MSRA: variants seen among roughly 807,000 people sequenced by gnomAD.
MSRA encodes the protein methionine sulfoxide reductase A, also known as mitochondrial peptide methionine sulfoxide reductase.
Under a neutral mutation model 31.3 loss-of-function variants are expected in MSRA, and 54 were observed. The ratio of observed to expected loss-of-function variants is 1.73; its 90% CI spans 1.39 to 2.17. The LOEUF is 2.17. Ranked by LOEUF, MSRA falls within the 30% of genes most tolerant of loss-of-function variation. MSRA has a pLI of 0.00. For synonymous variants in MSRA, 169 were observed against 116.5 expected (o/e 1.45, Z -2.90); for missense variants, 507 against 300.9 (o/e 1.69, Z -5.07).
intron 1 of MSRA, among the ~76,000 whole-genome samples, chr8:10,055,917 C>T (rs183576155): frequency 5.7e-4 from 86 of 152,196 alleles, no homozygotes; most frequent in Admixed American, 9.8e-4. Context: ...ATCATTTCAC[C>T]TGCTACTCAG....
chr8:10,375,787 G>C (rs1805725047), intron 5 of MSRA, among the ~76,000 whole-genome samples: 1 of 152,200 alleles, frequency 6.6e-6, no homozygotes, highest in African/African-American at 2.4e-5. Flanking sequence ...TTACACAAAT[G>C]CCTGGTCATG....
At chr8:10,299,603 AT>A (rs1189224955) in intron 3 of MSRA, among the ~76,000 whole-genome samples, 2 of 152,290 alleles carry the variant, frequency 1.3e-5, no homozygotes, top group East Asian at 3.9e-4. Flanking sequence ...GGACATGCCA[AT>A]TAGAGCAAAG....
intron 1 of MSRA, among the ~76,000 whole-genome samples, chr8:10,069,010 A>G (rs1284884289): frequency 6.6e-6 from 1 of 152,116 alleles, no homozygotes; most frequent in Non-Finnish European, 1.5e-5. Context: ...ATTAATACCA[A>G]AATATTTCGT....
intron 3 of MSRA, among the ~76,000 whole-genome samples, chr8:10,254,488 A>G (rs1464281245): frequency 6.6e-6 from 1 of 152,198 alleles, no homozygotes; most frequent in Non-Finnish European, 1.5e-5. Context: ...TTGAAAACAT[A>G]ATGTTCTCAA....
intron 1 of MSRA, among the ~76,000 whole-genome samples, chr8:10,194,501 G>A (rs1381494293): frequency 1.3e-5 from 2 of 152,202 alleles, no homozygotes; most frequent in Admixed American, 6.5e-5. Context: ...GGGAGGCAGA[G>A]GTTGCGGTGA....
chr8:10,297,299 T>G (rs1800598772), intron 3 of MSRA, among the ~76,000 whole-genome samples: 1 of 152,162 alleles, frequency 6.6e-6, no homozygotes, highest in Admixed American at 6.5e-5. Context: ...TGGAGGGAGA[T>G]GCTTAGAGAG....
intron 5 of MSRA, among the ~76,000 whole-genome samples, chr8:10,363,249 C>A (rs1804957537): frequency 6.6e-6 from 1 of 152,186 alleles, no homozygotes; most frequent in African/African-American, 2.4e-5. Flanking sequence ...GGCCTTTGAA[C>A]CAAGTTCTTT....
intron 1 of MSRA, among the ~76,000 whole-genome samples, chr8:10,079,740 G>A (rs1798187176): frequency 6.6e-6 from 1 of 152,136 alleles, no homozygotes; most frequent in Non-Finnish European, 1.5e-5. Flanking sequence ...AAGCCACAAA[G>A]TGTTTCCCTG....
At chr8:10,130,332 T>C (rs1801807407) in intron 1 of MSRA, among the ~76,000 whole-genome samples, 1 of 152,210 alleles carries the variant, frequency 6.6e-6, no homozygotes, top group Non-Finnish European at 1.5e-5. Flanking sequence ...AACTTCCCTG[T>C]GCCCCGACTA....
intron 5 of MSRA, among the ~76,000 whole-genome samples, chr8:10,357,513 C>T (rs914618338): frequency 6.6e-6 from 1 of 152,110 alleles, no homozygotes; most frequent in Admixed American, 6.5e-5. Flanking sequence ...CTCTTATTTT[C>T]CTATCTTTGA....
intron 2 of MSRA, among the ~76,000 whole-genome samples, chr8:10,219,163 A>C (rs190781629): frequency 1.3e-5 from 2 of 152,322 alleles, no homozygotes; most frequent in Middle Eastern, 3.4e-3. Flanking sequence ...CAGTCAAGAA[A>C]TTACAAAGCC....
Position 10,245,203 on chromosome 8 carries a change from C to G in MSRA, c.311C>G (p.Thr104Ser). Residue 104 changes from threonine (T) to serine (S), a missense_variant, in exon 3 of 6, where the codon ACT (threonine) becomes AGT (serine). Coordinates refer to ENST00000317173, the MANE Select transcript of MSRA (RefSeq NM_012331.5). ...GCAGGAGGCTATACTTCAAATCCTA[C>G]TTATAAAGAAGTCTGCTCAGGTAGG... ...GFAGGYTSNP[T>S]YKEVCSEKTG... 6 of 1,613,082 alleles carry G rather than the reference C, an allele frequency of 3.7e-6. No homozygotes were observed. The highest frequency in any genetic ancestry group is 1.1e-5 in the South Asian group (1 of 90,900).
chr8:10,407,219 A>T (rs1807874819), intron 5 of MSRA, among the ~76,000 whole-genome samples: 1 of 152,202 alleles, frequency 6.6e-6, no homozygotes, highest in Admixed American at 6.5e-5. Flanking sequence ...AAATGTGATG[A>T]ACAAGAACTG....
intron 5 of MSRA, among the ~76,000 whole-genome samples, chr8:10,377,420 C>T (rs1291309979): frequency 1.3e-5 from 2 of 152,218 alleles, no homozygotes. Flanking sequence ...GCAGATAAGC[C>T]AAAGTGTATT....
chr8:10,352,418 T>C (rs1032019602), intron 5 of MSRA, among the ~76,000 whole-genome samples: 2 of 152,130 alleles, frequency 1.3e-5, no homozygotes, highest in South Asian at 2.1e-4. Context: ...CAAGTTCAGC[T>C]TGGGGCAGGG....
chr8:10,417,144 T>G (rs933665730), intron 5 of MSRA, among the ~76,000 whole-genome samples: 1 of 152,108 alleles, frequency 6.6e-6, no homozygotes, highest in Non-Finnish European at 1.5e-5. Context: ...CCAAGTTAGA[T>G]CTAATTGTGT....
chr8:10,365,048 G>A (rs1311930318), intron 5 of MSRA, among the ~76,000 whole-genome samples: 1 of 151,172 alleles, frequency 6.6e-6, no homozygotes, highest in Non-Finnish European at 1.5e-5. Flanking sequence ...TCTCATGGAG[G>A]CTGAGCTTTG....
At chr8:10,143,314 C>G (rs1462891949) in intron 1 of MSRA, among the ~76,000 whole-genome samples, 2 of 152,132 alleles carry the variant, frequency 1.3e-5, no homozygotes, top group Non-Finnish European at 2.9e-5. Flanking sequence ...AAGTAAAATG[C>G]TGGCATCTTA....
intron 1 of MSRA, among the ~76,000 whole-genome samples, chr8:10,151,577 G>T (rs56408109): frequency 0.03 from 4,491 of 152,154 alleles, 129 homozygotes; most frequent in Non-Finnish European, 0.05. Context: ...GTGAACCCGG[G>T]AGGCGGAGCT....
Sources: gnomAD v4.1 joint callset for allele counts (sites outside exome capture counted in the v4.1 genomes callset) on GRCh38, gnomAD v4.1.1 for gene constraint, MANE v1.5 for transcripts, NCBI Gene and HGNC (gene_info 2026-07-23, HGNC 2026-07-21) for gene names.